ADARB2: variants seen among roughly 807,000 people sequenced by gnomAD.
ADARB2 encodes the protein inactive double-stranded RNA-specific editase B2.
Under a neutral mutation model 62.2 loss-of-function variants are expected in ADARB2, and 25 were observed. That is an observed-to-expected ratio of 0.40 (90% confidence interval 0.29 to 0.56). The LOEUF is 0.56. ADARB2 is among the 20% of genes least tolerant of loss of function. The pLI is 0.43. For missense variants in ADARB2, 1,071 were observed against 1,077.4 expected (o/e 0.99, Z 0.08); for synonymous variants, 572 against 500.8 (o/e 1.14, Z -1.90).
intron 7 of ADARB2, among the ~76,000 whole-genome samples, chr10:1,205,394 C>T (rs1276573957): frequency 1.9e-5 from 2 of 103,390 alleles, no homozygotes; most frequent in Non-Finnish European, 4.8e-5. Context: ...GAGCCCGTGG[C>T]ACAGCCTGAG....
At chr10:1,582,666 C>G (rs889411028) in intron 1 of ADARB2, among the ~76,000 whole-genome samples, 8 of 152,194 alleles carry the variant, frequency 5.3e-5, no homozygotes, top group Non-Finnish European at 1.2e-4. Flanking sequence ...CAAGCCACAT[C>G]TGCTGGTGTC....
intron 1 of ADARB2, among the ~76,000 whole-genome samples, chr10:1,634,965 C>T (rs559499042): frequency 4.6e-5 from 7 of 152,322 alleles, no homozygotes; most frequent in African/African-American, 1.7e-4. Flanking sequence ...GCAAACCAAT[C>T]TGTATTTGTA....
chr10:1,705,433 C>T (rs77223823), intron 1 of ADARB2, among the ~76,000 whole-genome samples: 56 of 152,266 alleles, frequency 3.7e-4, no homozygotes, highest in South Asian at 1.9e-3. Flanking sequence ...ACAGTGTCAC[C>T]GGAGCCCCAG....
intron 1 of ADARB2, among the ~76,000 whole-genome samples, chr10:1,551,394 G>A (rs1007392794): frequency 2.0e-5 from 3 of 152,178 alleles, no homozygotes; most frequent in Admixed American, 6.5e-5. Context: ...CCTGTTGTCC[G>A]GGCTGCCACA....
At chr10:1,571,650 G>T (rs1312886678) in intron 1 of ADARB2, among the ~76,000 whole-genome samples, 1 of 152,170 alleles carries the variant, frequency 6.6e-6, no homozygotes, top group African/African-American at 2.4e-5. Context: ...GAGTATGCAG[G>T]TGAGTGGACA....
chr10:1,580,659 C>A (rs974103910), intron 1 of ADARB2, among the ~76,000 whole-genome samples: 1 of 152,148 alleles, frequency 6.6e-6, no homozygotes, highest in East Asian at 1.9e-4. Context: ...GGTGTTGAAC[C>A]TTCTATGGGC....
At chr10:1,348,062 G>GAAT (rs1832097342) in intron 3 of ADARB2, among the ~76,000 whole-genome samples, 1 of 151,990 alleles carries the variant, frequency 6.6e-6, no homozygotes, top group Non-Finnish European at 1.5e-5. Context: ...GACAGAGACA[G>GAAT]AGCGAAACAG....
intron 1 of ADARB2, among the ~76,000 whole-genome samples, chr10:1,699,539 C>T (rs376575291): frequency 1.2e-3 from 148 of 127,450 alleles, no homozygotes; most frequent in South Asian, 3.0e-3. Flanking sequence ...CGCCAATACA[C>T]GCAATCCCAC....
intron 1 of ADARB2, among the ~76,000 whole-genome samples, chr10:1,646,456 T>C (rs1180196766): frequency 2.0e-5 from 3 of 152,160 alleles, no homozygotes; most frequent in Non-Finnish European, 4.4e-5. Flanking sequence ...AAATCAGACA[T>C]TGAAAGAAAA....
At chr10:1,489,510 T>G (rs548704841) in intron 1 of ADARB2, among the ~76,000 whole-genome samples, 2 of 152,348 alleles carry the variant, frequency 1.3e-5, no homozygotes, top group South Asian at 2.1e-4. Flanking sequence ...CTTAATGTGT[T>G]GCCCATTAGT....
rs184900844 is a variant in ADARB2, at chr10:1,267,402, C to T, written c.1192+3553G>A. Among the ~76,000 whole-genome samples, 5 of 152,256 alleles carry T rather than the reference C, an allele frequency of 3.3e-5. No individual in the cohort carries two copies. In the East Asian group the frequency reaches 5.8e-4, roughly 18 times the overall value. On this transcript the variant is annotated intron_variant, in intron 4 of 9. Transcript: ENST00000381312. ...AGATGATGCTTCTTGAGGAAGCTCT[C>T]TATGAGGGGAGACAAAGCAAGGAGG... is the stretch of plus-strand genomic sequence containing the variant.
intron 1 of ADARB2, among the ~76,000 whole-genome samples, chr10:1,643,429 C>G (rs1037566526): frequency 6.6e-6 from 1 of 152,216 alleles, no homozygotes; most frequent in Non-Finnish European, 1.5e-5. Context: ...TTTTCCCAGA[C>G]TGGAGGGCTA....
chr10:1,505,082 ACAG>A (rs1831822777), intron 1 of ADARB2, among the ~76,000 whole-genome samples: 1 of 151,496 alleles, frequency 6.6e-6, no homozygotes, highest in East Asian at 2.0e-4. Flanking sequence ...ACGGATGCAC[ACAG>A]GACACACACA....
intron 1 of ADARB2, chr10:1,526,876 C>A (rs776792073): frequency 2.0e-5 from 10 of 508,080 alleles, no homozygotes; most frequent in Admixed American, 1.2e-4. Context: ...CTGCTTGCCT[C>A]ATCAGCCTCA....
intron 1 of ADARB2, among the ~76,000 whole-genome samples, chr10:1,505,384 T>TG (rs1025124502): frequency 2.0e-5 from 3 of 148,944 alleles, no homozygotes; most frequent in African/African-American, 7.3e-5. Context: ...GGGTTTTTGT[T>TG]TTTTTTTTTT....
intron 3 of ADARB2, among the ~76,000 whole-genome samples, chr10:1,350,266 G>A (rs986774312): frequency 1.5e-4 from 23 of 152,210 alleles, no homozygotes; most frequent in Non-Finnish European, 2.4e-4. Flanking sequence ...TGTTCCCAAT[G>A]CAACTCATCC....
chr10:1,619,289 T>TAAAAAA (rs59098282), intron 1 of ADARB2, among the ~76,000 whole-genome samples: 46 of 115,488 alleles, frequency 4.0e-4, no homozygotes, highest in Non-Finnish European at 5.7e-4. Flanking sequence ...ACATTGAAAG[T>TAAAAAA]AAAAAAAAAA....
intron 1 of ADARB2, among the ~76,000 whole-genome samples, chr10:1,486,210 C>CCGTGTG (rs1831541403): frequency 7.0e-6 from 1 of 142,858 alleles, no homozygotes; most frequent in African/African-American, 2.5e-5. Flanking sequence ...GTGTGGACGC[C>CCGTGTG]TGTGTGTGTG....
At position 1,647,812 on chromosome 10, in the gene ADARB2, G is replaced by A. The variant is rs570329153; in HGVS notation, c.100+89239C>T. Among the ~76,000 whole-genome samples, 5 of 148,248 alleles carry A rather than the reference G, an allele frequency of 3.4e-5. No homozygotes were observed. In the East Asian group the frequency reaches 7.9e-4, roughly 23 times the overall value. ...TGTATGCATGTGTATATGTGTGTGT[G>A]TATGCATGTGTGTATATGTGTATAT... On this transcript the variant is annotated intron_variant, in intron 1 of 9. Transcript: ENST00000381312.
Sources: allele counts gnomAD v4.1 joint callset (sites outside exome capture counted in the v4.1 genomes callset), GRCh38; gene constraint gnomAD v4.1.1; transcripts MANE v1.5; gene names NCBI Gene and HGNC (gene_info 2026-07-23, HGNC 2026-07-21).